TRPM3: variants seen among roughly 807,000 people sequenced by gnomAD.
The protein encoded by TRPM3 is transient receptor potential cation channel subfamily M member 3.
A neutral mutation model predicts 181.2 loss-of-function variants in TRPM3; 77 were observed. The observed-to-expected ratio is 0.42, with a 90% CI of 0.35 to 0.51. The LOEUF (loss-of-function observed/expected upper bound fraction) is 0.51. Among genes scored for constraint, TRPM3 ranks in the 20% least tolerant of loss-of-function variants. The pLI, the probability that TRPM3 is intolerant of heterozygous loss-of-function variation, is 0.01. For missense variants in TRPM3, 1,759 were observed against 2,196.7 expected (o/e 0.80, Z 3.98); for synonymous variants, 745 against 796.4 (o/e 0.94, Z 1.09).
intron 1 of TRPM3, among the ~76,000 whole-genome samples, chr9:70,927,623 T>C (rs1465978690): frequency 6.6e-6 from 1 of 152,226 alleles, no homozygotes; most frequent in Non-Finnish European, 1.5e-5. Flanking sequence ...ACTTTCTGAA[T>C]GTTTTTCTCC....
intron 1 of TRPM3, among the ~76,000 whole-genome samples, chr9:70,896,332 A>T (rs1305949767): frequency 6.6e-6 from 1 of 152,172 alleles, no homozygotes; most frequent in African/African-American, 2.4e-5. Context: ...AGACCAGTAT[A>T]AAGTGGTGCT....
intron 1 of TRPM3, among the ~76,000 whole-genome samples, chr9:71,170,172 G>A (rs2076779388): frequency 6.6e-6 from 1 of 152,038 alleles, no homozygotes; most frequent in Non-Finnish European, 1.5e-5. Flanking sequence ...CTCTAGTACT[G>A]TTTCTGTAAA....
chr9:70,826,163 G>A (rs1020230052), intron 6 of TRPM3: 2 of 152,180 alleles, frequency 1.3e-5, no homozygotes, highest in Admixed American at 6.5e-5. Flanking sequence ...ACTTGATGGT[G>A]TACAGAAAGT....
intron 1 of TRPM3, among the ~76,000 whole-genome samples, chr9:71,152,386 T>C (rs2075779841): frequency 6.6e-6 from 1 of 152,142 alleles, no homozygotes; most frequent in Admixed American, 6.6e-5. Context: ...TTAATATACC[T>C]ATATGACTAA....
intron 1 of TRPM3, among the ~76,000 whole-genome samples, chr9:71,414,456 G>A (rs1307879004): frequency 6.6e-6 from 1 of 151,994 alleles, no homozygotes; most frequent in Non-Finnish European, 1.5e-5. Flanking sequence ...GAACTAATAT[G>A]AACAAAATGA....
chr9:70,784,191 G>C lies in TRPM3; in HGVS notation c.1062C>G (p.Thr354=). ...ISIVLEYLRD[T]PPVPVVVCDG... ...CACAGACAACCACTGGCACGGGAGG[G>C]GTGTCTCGAAGGTACTCCAAAACAA... Residue 354 remains threonine, a synonymous_variant, in exon 7 of 26, where the codon ACC becomes ACG. Transcript: ENST00000677713. The C allele has an allele frequency of 6.2e-7, 1 of 1,613,644 alleles. No homozygotes were observed. Among genetic ancestry groups the C allele is most frequent in the Non-Finnish European group, 8.5e-7 (1 of 1,179,804 alleles).
chr9:70,624,893 C>T (rs2064261258), intron 14 of TRPM3, among the ~76,000 whole-genome samples: 1 of 152,072 alleles, frequency 6.6e-6, no homozygotes, highest in Non-Finnish European at 1.5e-5. Context: ...TTAGAGTCTC[C>T]ATTTAAATTT....
chr9:71,268,685 G>C (rs2083560291), intron 1 of TRPM3, among the ~76,000 whole-genome samples: 2 of 152,032 alleles, frequency 1.3e-5, no homozygotes, highest in South Asian at 2.1e-4. Flanking sequence ...AGCCAGGCAT[G>C]ATGGCAGCTG....
At chr9:70,645,157 C>T (rs765419365) in intron 9 of TRPM3, among the ~76,000 whole-genome samples, 5 of 152,110 alleles carry the variant, frequency 3.3e-5, no homozygotes, top group African/African-American at 4.8e-5. Flanking sequence ...AGATTCAATG[C>T]TATTACCATC....
intron 1 of TRPM3, among the ~76,000 whole-genome samples, chr9:71,226,009 TAAAAA>T: frequency 1.2e-4 from 4 of 34,704 alleles, no homozygotes; most frequent in African/African-American, 3.8e-4. Flanking sequence ...CAACAAAAGG[TAAAAA>T]AAAAAAAAAA....
At chr9:70,870,807 T>C (rs1305259051) in intron 1 of TRPM3, among the ~76,000 whole-genome samples, 12 of 151,990 alleles carry the variant, frequency 7.9e-5, no homozygotes, top group Non-Finnish European at 1.6e-4. Context: ...ACAGAGGTGA[T>C]AGGTAGGAAA....
chr9:71,425,214 G>GT (rs1356955531), intron 1 of TRPM3, among the ~76,000 whole-genome samples: 1 of 151,978 alleles, frequency 6.6e-6, no homozygotes, highest in African/African-American at 2.4e-5. Context: ...AACATCATGT[G>GT]TTCATGGGCT....
At chr9:71,371,976 C>A (rs1006789482) in intron 1 of TRPM3, among the ~76,000 whole-genome samples, 34 of 152,162 alleles carry the variant, frequency 2.2e-4, no homozygotes, top group Non-Finnish European at 3.5e-4. Flanking sequence ...GATGCTCTCC[C>A]TTCCCACATC....
chr9:70,997,390 T>C lies in TRPM3; in HGVS notation c.177+123788A>G, dbSNP rs138348647. ...TTTTGTATTTTTAGTAGAGACAGGG[T>C]TTCACCACGTTAGCCAGGATGGTCT... On this transcript the variant is annotated intron_variant, in intron 1 of 25. Transcript: ENST00000677713. Among the ~76,000 whole-genome samples the C allele has an allele frequency of 2.6e-3, 402 of 152,204 alleles. 5 individuals are homozygous for C. In the East Asian group the frequency reaches 0.054, roughly 20 times the overall value.
At chr9:70,907,058 C>A (rs1012519818) in intron 1 of TRPM3, among the ~76,000 whole-genome samples, 4 of 152,158 alleles carry the variant, frequency 2.6e-5, no homozygotes, top group African/African-American at 4.8e-5. Flanking sequence ...TATTACCTTA[C>A]TTTATAACAC....
intron 22 of TRPM3, among the ~76,000 whole-genome samples, chr9:70,557,432 C>A (rs1158629926): frequency 6.6e-6 from 1 of 152,166 alleles, no homozygotes; most frequent in African/African-American, 2.4e-5. Context: ...GCAGTTAATG[C>A]AAAATGTTGT....
chr9:71,221,862 A>G (rs2080261866), intron 1 of TRPM3, among the ~76,000 whole-genome samples: 1 of 152,228 alleles, frequency 6.6e-6, no homozygotes, highest in African/African-American at 2.4e-5. Flanking sequence ...AGGTGGATGA[A>G]GGGAAATGTC....
chr9:70,925,950 T>C (rs2993021), intron 1 of TRPM3, among the ~76,000 whole-genome samples: 5,764 of 151,054 alleles, frequency 0.038, 351 homozygotes, highest in African/African-American at 0.13. Flanking sequence ...GTAAGGTACA[T>C]TGTGATTCAC....
intron 6 of TRPM3, 33 bp downstream of exon 6, chr9:70,827,814 C>T (rs367820869): frequency 1.8e-4 from 284 of 1,604,698 alleles, no homozygotes; most frequent in Non-Finnish European, 2.1e-4. Context: ...ATACCTCCTA[C>T]GAGCCATGCC....
Sources: allele counts gnomAD v4.1 joint callset (sites outside exome capture counted in the v4.1 genomes callset), GRCh38; gene constraint gnomAD v4.1.1; transcripts MANE v1.5; gene names NCBI Gene and HGNC (gene_info 2026-07-23, HGNC 2026-07-21).